CYP2C19: variants seen among roughly 807,000 people sequenced by gnomAD.
CYP2C19 encodes the protein cytochrome P450 2C19.
In CYP2C19, 59 loss-of-function variants were observed where a neutral mutation model predicts 40.9. The observed-to-expected ratio is 1.44, with a 90% CI of 1.17 to 1.79. The LOEUF is 1.79. Among genes scored for constraint, CYP2C19 ranks in the 40% most tolerant of loss-of-function variants. CYP2C19 has a pLI of 0.00. For missense variants in CYP2C19, 754 were observed against 596.9 expected (o/e 1.26, Z -2.74); for synonymous variants, 253 against 208.7 (o/e 1.21, Z -1.83).
chr10:94,802,215 G>A (rs1848776486), intron 5 of CYP2C19, among the ~76,000 whole-genome samples: 2 of 152,110 alleles, frequency 1.3e-5, no homozygotes, highest in Non-Finnish European at 2.9e-5. Context: ...GCACTGATTT[G>A]TGTTTTTTAC....
chr10:94,808,735 T>C (rs1848870741), intron 5 of CYP2C19, among the ~76,000 whole-genome samples: 1 of 152,168 alleles, frequency 6.6e-6, no homozygotes, highest in Admixed American at 6.6e-5. Flanking sequence ...TAATCTCCAA[T>C]TCTATCTGTG....
chr10:94,775,914 A>G (rs897090231), intron 3 of CYP2C19: 4 of 293,928 alleles, frequency 1.4e-5, no homozygotes, highest in Non-Finnish European at 2.6e-5. Context: ...ACAAGTGGAC[A>G]TGGTGGAAAT....
At chr10:94,831,520 CGTT>C (rs1389667564) in intron 6 of CYP2C19, among the ~76,000 whole-genome samples, 3 of 152,190 alleles carry the variant, frequency 2.0e-5, no homozygotes, top group Non-Finnish European at 4.4e-5. Flanking sequence ...TTCCCACCAA[CGTT>C]GTACAAGGGT....
chr10:94,766,867 G>A (rs1431578221), intron 1 of CYP2C19, among the ~76,000 whole-genome samples: 1 of 152,016 alleles, frequency 6.6e-6, no homozygotes, highest in Non-Finnish European at 1.5e-5. Context: ...GGGTTAGAGA[G>A]GATTACCGAG....
intron 8 of CYP2C19, among the ~76,000 whole-genome samples, chr10:94,850,778 G>A (rs941420959): frequency 4.1e-4 from 63 of 152,264 alleles, no homozygotes; most frequent in African/African-American, 1.4e-3. Context: ...CTAAATAAAG[G>A]ATATTAAAAC....
chr10:94,821,074 C>A (rs1849113619), intron 6 of CYP2C19, among the ~76,000 whole-genome samples: 1 of 151,628 alleles, frequency 6.6e-6, no homozygotes, highest in African/African-American at 2.4e-5. Flanking sequence ...CAGAGTGGGA[C>A]CCTGTCTCAG....
intron 5 of CYP2C19, among the ~76,000 whole-genome samples, chr10:94,804,918 C>G (rs1454271068): frequency 6.6e-6 from 1 of 152,098 alleles, no homozygotes; most frequent in Non-Finnish European, 1.5e-5. Flanking sequence ...TTTTTAGTGT[C>G]AGAGTCTTTT....
chr10:94,826,916 T>A (rs762016445), intron 6 of CYP2C19, among the ~76,000 whole-genome samples: 11 of 152,170 alleles, frequency 7.2e-5, no homozygotes, highest in Non-Finnish European at 1.5e-4. Context: ...AGTATTGAGA[T>A]AATCATGTGG....
chr10:94,781,357 C>T (rs909947546), intron 4 of CYP2C19, among the ~76,000 whole-genome samples: 2 of 151,906 alleles, frequency 1.3e-5, no homozygotes, highest in Non-Finnish European at 2.9e-5. Flanking sequence ...ATCTTTGAGC[C>T]CCTCCCACTT....
chr10:94,791,814 A>G (rs1005517781), intron 5 of CYP2C19, among the ~76,000 whole-genome samples: 1 of 152,074 alleles, frequency 6.6e-6, no homozygotes. Flanking sequence ...AATAAGTGCA[A>G]TGTGGTGCTG....
At chr10:94,832,532 C>T (rs971077738) in intron 6 of CYP2C19, among the ~76,000 whole-genome samples, 4 of 152,104 alleles carry the variant, frequency 2.6e-5, no homozygotes, top group African/African-American at 9.7e-5. Flanking sequence ...GGGACACAGC[C>T]AAACCATGTC....
intron 3 of CYP2C19, among the ~76,000 whole-genome samples, chr10:94,776,791 T>A (rs1848413261): frequency 6.6e-6 from 1 of 152,110 alleles, no homozygotes; most frequent in Admixed American, 6.5e-5. Flanking sequence ...GCTTTGGAAG[T>A]TCTCACCAGG....
At chr10:94,791,459 G>C (rs112263145) in intron 5 of CYP2C19, among the ~76,000 whole-genome samples, 7,242 of 152,102 alleles carry the variant, frequency 0.048, 239 homozygotes, top group South Asian at 0.11. Context: ...TGTGATGTTA[G>C]GGTGTCAAAT....
chr10:94,848,119 T>A (rs942350790), intron 7 of CYP2C19, among the ~76,000 whole-genome samples: 1 of 152,220 alleles, frequency 6.6e-6, no homozygotes, highest in Admixed American at 6.5e-5. Context: ...TTGTTGCCAT[T>A]GCTTTTGGTG....
intron 5 of CYP2C19, among the ~76,000 whole-genome samples, chr10:94,817,504 G>A (rs917514203): frequency 3.5e-5 from 5 of 144,152 alleles, no homozygotes; most frequent in East Asian, 2.0e-4. Flanking sequence ...AGTAGGTTGC[G>A]AAAATTTTCT....
chr10:94,765,933 T>C (rs1165284035), intron 1 of CYP2C19, among the ~76,000 whole-genome samples: 1 of 152,002 alleles, frequency 6.6e-6, no homozygotes, highest in Admixed American at 6.5e-5. Context: ...GTTAAGATGG[T>C]ATTTGTAGTT....
intron 6 of CYP2C19, among the ~76,000 whole-genome samples, chr10:94,842,624 G>A (rs867882205): frequency 6.6e-6 from 1 of 151,720 alleles, no homozygotes; most frequent in Non-Finnish European, 1.5e-5. Flanking sequence ...GCATATATGT[G>A]TACAGATTTT....
intron 5 of CYP2C19, among the ~76,000 whole-genome samples, chr10:94,784,422 G>C (rs1848516045): frequency 6.6e-6 from 1 of 151,942 alleles, no homozygotes; most frequent in Admixed American, 6.6e-5. Context: ...GAGTTGATTT[G>C]CTGGGTCAAA....
At chr10:94,838,197 A>C (rs1239277028) in intron 6 of CYP2C19, among the ~76,000 whole-genome samples, 3 of 152,122 alleles carry the variant, frequency 2.0e-5, no homozygotes, top group African/African-American at 7.2e-5. Flanking sequence ...CTGTGGCACC[A>C]ATCTCCATGT....
Sources: gnomAD v4.1 joint callset for allele counts (sites outside exome capture counted in the v4.1 genomes callset) on GRCh38, gnomAD v4.1.1 for gene constraint, MANE v1.5 for transcripts, NCBI Gene and HGNC (gene_info 2026-07-23, HGNC 2026-07-21) for gene names.